Variants in ZNF503 observed in about 807,000 individuals in gnomAD.
ZNF503 encodes NocA-like zinc finger 2.
In ZNF503, 15 loss-of-function variants were observed where a neutral mutation model predicts 34.4. That is an observed-to-expected ratio of 0.44 (90% CI 0.29 to 0.67). ZNF503 has a LOEUF of 0.67. ZNF503 is among the 30% of genes least tolerant of loss of function. ZNF503 has a pLI of 0.13. For synonymous variants in ZNF503, 580 were observed against 456.8 expected, an observed-to-expected ratio of 1.27 and a Z score of -3.44; for missense variants, 1,007 against 926.8, an observed-to-expected ratio of 1.09 and a Z score of -1.12.
At chr10:75,343,469 C>G in the ZNF503 span, 1 of 152,276 alleles carries the variant, frequency 6.6e-6, no homozygotes, top group African/African-American at 2.4e-5. Context: ...CACCTAAGCC[C>G]GTATTTCCCA....
In ZNF503 at chr10:75,399,523, C is replaced by A; in HGVS notation, c.1167G>T (p.Leu389=). The A allele has an allele frequency of 6.3e-7, 1 of 1,584,644 alleles. No individual in the cohort carries two copies. The highest frequency in any genetic ancestry group is 8.5e-7 in the Non-Finnish European group (1 of 1,172,666). ...VALDPTKPGS[L]VGAQLAAAAA... The stretch of plus-strand genomic sequence containing the variant: ...CGGCCGCCGCCAGCTGCGCCCCCAC[C>A]AGGCTGCCCGGCTTGGTGGGGTCAA... Residue 389 remains leucine (L), a synonymous_variant, in exon 2 of 2, where the codon CTG becomes CTT. Transcript: ENST00000372524.
the ZNF503 span, among the ~76,000 whole-genome samples, chr10:75,391,197 A>G: frequency 6.6e-6 from 1 of 152,132 alleles, no homozygotes; most frequent in Non-Finnish European, 1.5e-5. Flanking sequence ...ACTAAACATG[A>G]CATTTCCCAG....
chr10:75,367,241 C>T, the ZNF503 span, among the ~76,000 whole-genome samples: 1 of 152,116 alleles, frequency 6.6e-6, no homozygotes, highest in African/African-American at 2.4e-5. Flanking sequence ...ATCTTGTAGC[C>T]TGTGATGAGA....
At chr10:75,360,764 A>G in the ZNF503 span, 1 of 152,268 alleles carries the variant, frequency 6.6e-6, no homozygotes, top group Non-Finnish European at 1.5e-5. Context: ...AACCTACAGC[A>G]TCCAAGCACA....
the ZNF503 span, chr10:75,361,656 A>T: frequency 6.6e-6 from 1 of 152,188 alleles, no homozygotes; most frequent in African/African-American, 2.4e-5. Flanking sequence ...CACTCAGGTG[A>T]CCATTAAATC....
rs556504619 is a variant in ZNF503 at position 75,400,122 on chromosome 10, C to T, written c.568G>A (p.Gly190Ser). 137 of 1,549,586 alleles carry T rather than the reference C, an allele frequency of 8.8e-5. No homozygotes were observed. In the South Asian group the frequency reaches 1.6e-3, roughly 18 times the overall value. Residue 190 changes from glycine (G) to serine (S), a missense_variant, in exon 2 of 2, where the codon GGC (glycine) becomes AGC (serine). Transcript: ENST00000372524. ...KPGSDKKEPG[G>S]GGGGGGGGGG... Reference sequence around the variant, plus strand: ...CCACCGCCACCGCCTCCACCGCCGCCTCCCGGCTCCTTCTTATCCGAGCCG... The same window carrying T: ...CCACCGCCACCGCCTCCACCGCCGCTTCCCGGCTCCTTCTTATCCGAGCCG...
chr10:75,297,753 C>T, the ZNF503 span, among the ~76,000 whole-genome samples: 8 of 152,130 alleles, frequency 5.3e-5, 1 homozygote, highest in East Asian at 9.6e-4. Flanking sequence ...CATAAAAGTG[C>T]ATATATCACA....
At chr10:75,393,345 A>G (rs891403846), downstream of ZNF503, among the ~76,000 whole-genome samples, 1 of 152,256 alleles carries the variant, frequency 6.6e-6, no homozygotes, top group African/African-American at 2.4e-5. Flanking sequence ...CAGCGGGATG[A>G]GCCCTGGATT....
the ZNF503 span, among the ~76,000 whole-genome samples, chr10:75,293,293 A>T: frequency 6.6e-6 from 1 of 152,198 alleles, no homozygotes; most frequent in Admixed American, 6.5e-5. Context: ...CATCTGGGCC[A>T]GGGGTCATAG....
chr10:75,384,489 G>T, the ZNF503 span, among the ~76,000 whole-genome samples: 115 of 152,164 alleles, frequency 7.6e-4, no homozygotes, highest in Non-Finnish European at 1.3e-3. Context: ...GGCCCCCACA[G>T]ATAGCCCCAT....
At chr10:75,330,803 A>G in the ZNF503 span, among the ~76,000 whole-genome samples, 1 of 151,584 alleles carries the variant, frequency 6.6e-6, no homozygotes, top group Non-Finnish European at 1.5e-5. Context: ...ACAAATTTTC[A>G]TTTTGTTAAT....
chr10:75,322,419 G>T, the ZNF503 span, among the ~76,000 whole-genome samples: 1 of 152,052 alleles, frequency 6.6e-6, no homozygotes, highest in African/African-American at 2.4e-5. Context: ...ACCACGCCCG[G>T]CCCACTGCCA....
chr10:75,290,999 T>C, the ZNF503 span, among the ~76,000 whole-genome samples: 10 of 152,300 alleles, frequency 6.6e-5, no homozygotes, highest in East Asian at 1.9e-3. Context: ...GCCCTTTCAT[T>C]GTCTCTGATT....
chr10:75,310,163 G>A, the ZNF503 span, among the ~76,000 whole-genome samples: 1,156 of 152,258 alleles, frequency 7.6e-3, 7 homozygotes, highest in Middle Eastern at 0.044. Context: ...GGAATACGAA[G>A]TAGGCTTACT....
In ZNF503 at chr10:75,398,867, C is replaced by T. The variant is rs1232841870; in HGVS notation, c.1823G>A (p.Ser608Asn). 1.3e-6 allele frequency: 2 copies of T among 1,516,108 alleles called. No individual in the cohort carries two copies. Among genetic ancestry groups the T allele is most frequent in the Non-Finnish European group, 1.8e-6 (2 of 1,136,546 alleles). The allele number at this position is 1,516,108 out of a possible 1,614,324, so 93.9% of individuals were successfully genotyped here. The change falls in exon 2 of 2, where the codon AGC becomes AAC. Residue 608 changes from serine to asparagine, a missense_variant. Physicochemically the swap from Ser to Asn is conservative, Grantham distance 46. Coordinates refer to ENST00000372524, the MANE Select transcript of ZNF503 (RefSeq NM_032772.6). ...LSSRYHPYSKSPLPTPGAPVP... is the reference protein window; with the variant it reads ...LSSRYHPYSKNPLPTPGAPVP... ...GGGGGCGCCAGGCGTGGGAAGCGGG[C>T]TCTTGGAGTAGGGGTGGTAGCGGCT...
chr10:75,343,958 G>A, the ZNF503 span, among the ~76,000 whole-genome samples: 1 of 152,256 alleles, frequency 6.6e-6, no homozygotes, highest in Non-Finnish European at 1.5e-5. Context: ...CACAGGCTTG[G>A]CTTCAGCTGG....
chr10:75,391,672 C>T, the ZNF503 span, among the ~76,000 whole-genome samples: 17 of 152,192 alleles, frequency 1.1e-4, no homozygotes, highest in African/African-American at 4.1e-4. Flanking sequence ...ACCCTCCCTT[C>T]TTTGGAAGCA....
the ZNF503 span, among the ~76,000 whole-genome samples, chr10:75,387,891 G>T: frequency 3.3e-5 from 5 of 152,206 alleles, no homozygotes; most frequent in South Asian, 2.1e-4. Context: ...CCAGGCAGCC[G>T]AGGGCTCTCT....
chr10:75,376,302 C>A, the ZNF503 span, among the ~76,000 whole-genome samples: 2 of 152,148 alleles, frequency 1.3e-5, no homozygotes, highest in Non-Finnish European at 2.9e-5. Flanking sequence ...GCCCCACCAC[C>A]CCTCTCTGGC....
Sources: gnomAD v4.1 joint callset for allele counts (sites outside exome capture counted in the v4.1 genomes callset) on GRCh38, gnomAD v4.1.1 for gene constraint, MANE v1.5 for transcripts, NCBI Gene and HGNC (gene_info 2026-07-23, HGNC 2026-07-21) for gene names.